FUT8: variants seen among roughly 807,000 people sequenced by gnomAD.
FUT8 encodes the protein alpha-(1,6)-fucosyltransferase.
FUT8 carries 29 observed loss-of-function variants against 71.3 expected under a neutral mutation model. That is an observed-to-expected ratio of 0.41 (90% CI 0.30 to 0.55). FUT8 has a LOEUF of 0.55. Among genes scored for constraint, FUT8 ranks in the 20% least tolerant of loss-of-function variants. The pLI is 0.34. For missense variants in FUT8, 544 were observed against 702.1 expected (o/e 0.77, Z 2.55); for synonymous variants, 254 against 239.3 (o/e 1.06, Z -0.57).
intron 7 of FUT8, among the ~76,000 whole-genome samples, chr14:65,678,828 A>C (rs1263502254): frequency 2.0e-5 from 3 of 152,234 alleles, no homozygotes; most frequent in South Asian, 2.1e-4. Flanking sequence ...AAATAAATAC[A>C]TAACAGTGAG....
intron 7 of FUT8, among the ~76,000 whole-genome samples, chr14:65,696,123 AT>A (rs2140461636): frequency 6.6e-6 from 1 of 152,250 alleles, no homozygotes; most frequent in South Asian, 2.1e-4. Flanking sequence ...TGCTAGTATT[AT>A]TTTGAATACA....
chr14:65,515,057 T>TAA (rs1882618414), intron 2 of FUT8, among the ~76,000 whole-genome samples: 2 of 152,232 alleles, frequency 1.3e-5, no homozygotes, highest in Non-Finnish European at 2.9e-5. Context: ...TTTCCAAACC[T>TAA]CATTTTTCTC....
intron 1 of FUT8, among the ~76,000 whole-genome samples, chr14:65,449,980 A>G (rs150722987): frequency 3.6e-4 from 55 of 152,288 alleles, no homozygotes; most frequent in African/African-American, 1.2e-3. Context: ...AAAATGACCA[A>G]TTTCACCACT....
intron 6 of FUT8, among the ~76,000 whole-genome samples, chr14:65,656,876 A>T (rs1219137604): frequency 6.6e-6 from 1 of 152,208 alleles, no homozygotes; most frequent in Non-Finnish European, 1.5e-5. Flanking sequence ...CTCATTTTCA[A>T]CGAAAGTCAC....
At chr14:65,717,635 G>A (rs887042961) in intron 7 of FUT8, among the ~76,000 whole-genome samples, 211 of 135,624 alleles carry the variant, frequency 1.6e-3, no homozygotes, top group East Asian at 1.4e-3. Flanking sequence ...CTTCCCAGAC[G>A]GGGCAGCCGG....
chr14:65,620,723 TTC>T (rs1889564776), intron 5 of FUT8, among the ~76,000 whole-genome samples: 1 of 152,174 alleles, frequency 6.6e-6, no homozygotes. Context: ...TCTTACTAAG[TTC>T]TCTGAGATGT....
intron 6 of FUT8, among the ~76,000 whole-genome samples, chr14:65,647,352 A>G (rs1054347184): frequency 5.3e-5 from 8 of 152,212 alleles, no homozygotes; most frequent in African/African-American, 1.9e-4. Context: ...TATGCTTAGT[A>G]TTATGCAAAG....
the FUT8 span, among the ~76,000 whole-genome samples, chr14:65,401,625 T>C: frequency 6.6e-6 from 1 of 152,094 alleles, no homozygotes; most frequent in Non-Finnish European, 1.5e-5. Context: ...AGGCTGGGCA[T>C]GGTGGCTCAC....
chr14:65,427,152 G>A (rs937838598), intron 1 of FUT8, among the ~76,000 whole-genome samples: 26 of 152,074 alleles, frequency 1.7e-4, no homozygotes, highest in Admixed American at 1.4e-3. Flanking sequence ...GTGAACCACC[G>A]CGCCTGGCCT....
intron 7 of FUT8, among the ~76,000 whole-genome samples, chr14:65,678,792 AC>A (rs1892889581): frequency 1.3e-5 from 2 of 152,156 alleles, no homozygotes. Flanking sequence ...ATGGAATTGT[AC>A]AAATCCTAAG....
chr14:65,586,184 A>T (rs924633648), intron 3 of FUT8, among the ~76,000 whole-genome samples: 1 of 152,220 alleles, frequency 6.6e-6, no homozygotes, highest in Non-Finnish European at 1.5e-5. Context: ...AGGTTAAATG[A>T]TAAAACCGAT....
chr14:65,728,207 G>A (rs1452032568), intron 9 of FUT8, among the ~76,000 whole-genome samples: 1 of 152,210 alleles, frequency 6.6e-6, no homozygotes, highest in South Asian at 2.1e-4. Flanking sequence ...ACATTTTCAG[G>A]TATCTTTTCA....
upstream of FUT8, chr14:65,412,530 T>A (rs943942365): frequency 2.8e-6 from 1 of 358,136 alleles, no homozygotes; most frequent in Non-Finnish European, 5.5e-6. Context: ...GCGCAGCCGC[T>A]GCCCTGCTGG....
intron 2 of FUT8, among the ~76,000 whole-genome samples, chr14:65,499,714 G>A (rs2066615522): frequency 6.6e-6 from 1 of 151,786 alleles, no homozygotes. Context: ...ATGGGAGGCT[G>A]AGGCAGGAGG....
intron 7 of FUT8, among the ~76,000 whole-genome samples, chr14:65,704,374 G>A (rs1305328888): frequency 6.6e-6 from 1 of 151,964 alleles, no homozygotes; most frequent in Non-Finnish European, 1.5e-5. Context: ...GGAGGAAAGT[G>A]AGGCTGGAAT....
At chr14:65,474,900 G>A (rs1260905689) in intron 2 of FUT8, among the ~76,000 whole-genome samples, 4 of 152,152 alleles carry the variant, frequency 2.6e-5, no homozygotes, top group African/African-American at 9.7e-5. Flanking sequence ...GTATTGCCAG[G>A]CTGGTCTGGA....
intron 3 of FUT8, among the ~76,000 whole-genome samples, chr14:65,580,359 TATA>T (rs1417352110): frequency 1.3e-5 from 2 of 151,572 alleles, no homozygotes; most frequent in African/African-American, 4.8e-5. Context: ...ACAGTAAAAA[TATA>T]ATCTTGTGGG....
rs1368957615 is a variant in FUT8, at chr14:65,413,249, C to T, written c.-326+35C>T. The stretch of plus-strand genomic sequence containing the variant: ...CGTTTTGGGAGCCGGGCCCCGCGCG[C>T]CTCGGGGTCTTGGGCTGGGCTGCGC... On this transcript the variant is annotated intron_variant, in intron 1 of 10. Coordinates refer to ENST00000673929, the MANE Select transcript of FUT8 (RefSeq NM_001371533.1). This position sits in a 1 kb window ranked among gnomAD's most constrained non-coding sequence, Gnocchi z 4.1. 1 of 152,560 alleles carries T rather than the reference C, an allele frequency of 6.6e-6. No homozygotes were observed. The highest frequency in any genetic ancestry group is 1.5e-5 in the Non-Finnish European group (1 of 68,276). 9.5% of individuals were successfully genotyped at this position (152,560 alleles called of 1,614,324 possible). A position where few individuals can be genotyped will look rare whatever the true frequency, so the allele number is the denominator to read the frequency against.
chr14:65,499,003 G>C (rs1415645828), intron 2 of FUT8, among the ~76,000 whole-genome samples: 2 of 152,202 alleles, frequency 1.3e-5, no homozygotes, highest in South Asian at 2.1e-4. Flanking sequence ...ATGAATTAAG[G>C]AGGCATTGGG....
Sources: gnomAD v4.1 joint callset for allele counts (sites outside exome capture counted in the v4.1 genomes callset) on GRCh38, gnomAD v4.1.1 for gene constraint, Gnocchi (gnomAD v3.1) non-coding constraint, MANE v1.5 for transcripts, NCBI Gene and HGNC (gene_info 2026-07-23, HGNC 2026-07-21) for gene names.